The following ZNF280C variants were observed in gnomAD, a reference collection of about 807,000 sequenced individuals.
ZNF280C encodes the protein zinc finger protein 280C.
ZNF280C carries 14 observed loss-of-function variants against 53.6 expected under a neutral mutation model. That is an observed-to-expected ratio of 0.26 (90% CI 0.17 to 0.41). The LOEUF is 0.41. ZNF280C is among the 10% of genes least tolerant of loss of function. The probability of loss-of-function intolerance (pLI) is 1.00; values close to 1 mark genes in which losing one functional copy is unlikely to be tolerated. For synonymous variants in ZNF280C, 203 were observed against 181.1 expected, an observed-to-expected ratio of 1.12 and a Z score of -0.97; for missense variants, 416 against 547.1, an observed-to-expected ratio of 0.76 and a Z score of 2.39.
chrX:130,206,224 A>C (rs1272025003), intron 16 of ZNF280C, among the ~76,000 whole-genome samples: 3 of 111,379 alleles, frequency 2.7e-5, no homozygotes, highest in Non-Finnish European at 3.8e-5. Context: ...TAGAAAAGAA[A>C]TGTGAAGGTT....
At chrX:130,242,876 C>T (rs1217104653) in intron 5 of ZNF280C, among the ~76,000 whole-genome samples, 1 of 111,107 alleles carries the variant, frequency 9.0e-6, no homozygotes, top group East Asian at 2.8e-4. Flanking sequence ...CAGGGTTTCA[C>T]CATGTTGCTC....
In ZNF280C at chrX:130,248,575, G is replaced by A. The variant is rs899463543; in HGVS notation, c.32-1570C>T. 2.8e-4 allele frequency among the ~76,000 whole-genome samples: 31 copies of A among 111,527 alleles called. No homozygotes were observed. In the Admixed American group the frequency reaches 2.9e-3, roughly 11 times the overall value. On this transcript the variant is annotated intron_variant, in intron 2 of 18. Transcript: ENST00000370978. ...TCCATAGGAGACTGTAGCACTAGGGGAACTGTCAGACCTGAACTCTGCAGG... is the reference window on the plus strand; with the variant it reads ...TCCATAGGAGACTGTAGCACTAGGGAAACTGTCAGACCTGAACTCTGCAGG...
At chrX:130,250,987 C>T (rs2032501289) in intron 2 of ZNF280C, among the ~76,000 whole-genome samples, 1 of 109,798 alleles carries the variant, frequency 9.1e-6, no homozygotes, top group Non-Finnish European at 1.9e-5. Context: ...ATTCCAGCTA[C>T]TTGGGAGTCA....
chrX:130,221,202 TAGA>T (rs2032159723), intron 12 of ZNF280C, among the ~76,000 whole-genome samples: 1 of 111,896 alleles, frequency 8.9e-6, no homozygotes, highest in Non-Finnish European at 1.9e-5. Flanking sequence ...CAGACTATTT[TAGA>T]AGTGTGGTGT....
chrX:130,236,515 T>C lies in ZNF280C; in HGVS notation c.618A>G (p.Leu206=). The C allele has an allele frequency of 8.3e-7, 1 of 1,208,299 alleles. No individual in the cohort carries two copies. Among genetic ancestry groups the C allele is most frequent in the Non-Finnish European group, 1.1e-6 (1 of 893,650 alleles). The part of the protein sequence containing the change: ...PQINPSTSLP[L]IGSPPVTSSQ... ...AGGATGTCACTGGAGGAGAGCCAAT[T>C]AAAGGCAATGAAGTGGAGGGATTTA... The change falls in exon 7 of 19, where the codon TTA becomes TTG. Residue 206 remains leucine (L), a synonymous_variant. Transcript: ENST00000370978.
At position 130,221,719 on chromosome X, in the gene ZNF280C, C is replaced by G. The variant is rs188159926; in HGVS notation, c.1396-1239G>C. 3.6e-5 allele frequency among the ~76,000 whole-genome samples: 4 copies of G among 111,779 alleles called. No individual in the cohort carries two copies. The Admixed American group carries it at 3.8e-4, about 11-fold the overall frequency. ...AATTTATAATCTTTCAATTTCTCATCACCTCCAATCACTGCTACTATACTT... is the reference window on the plus strand; with the variant it reads ...AATTTATAATCTTTCAATTTCTCATGACCTCCAATCACTGCTACTATACTT... On this transcript the variant is annotated intron_variant, in intron 12 of 18. Transcript: ENST00000370978.
At chrX:130,225,665 TAAA>T (rs369564290) in intron 12 of ZNF280C, among the ~76,000 whole-genome samples, 6 of 83,797 alleles carry the variant, frequency 7.2e-5, no homozygotes, top group African/African-American at 8.4e-5. Context: ...CCTACCAGGA[TAAA>T]AAAAAAAAAA....
intron 2 of ZNF280C, among the ~76,000 whole-genome samples, chrX:130,253,169 C>T (rs1255989438): frequency 1.8e-5 from 2 of 111,803 alleles, no homozygotes; most frequent in Non-Finnish European, 3.8e-5. Context: ...TTCACAACAG[C>T]TACAAAAAGA....
chrX:130,236,059 T>C (rs1223085958), intron 8 of ZNF280C, among the ~76,000 whole-genome samples, 155 bp downstream of exon 8: 2 of 112,522 alleles, frequency 1.8e-5, no homozygotes, highest in African/African-American at 6.4e-5. Context: ...ATAATCATTG[T>C]GAATATCAAT....
intron 1 of ZNF280C, among the ~76,000 whole-genome samples, chrX:130,263,804 A>C (rs1160380370): frequency 9.1e-6 from 1 of 110,113 alleles, no homozygotes; most frequent in Non-Finnish European, 1.9e-5. Context: ...AGGCAGGTGC[A>C]TTGCAAAGTC....
At chrX:130,261,088 T>C (rs992098049) in intron 1 of ZNF280C, among the ~76,000 whole-genome samples, 4 of 112,346 alleles carry the variant, frequency 3.6e-5, no homozygotes, top group Admixed American at 1.9e-4. Context: ...CAATTCATTA[T>C]AAAGTAACTG....
At chrX:130,250,009 T>A (rs185931505) in intron 2 of ZNF280C, among the ~76,000 whole-genome samples, 8 of 111,669 alleles carry the variant, frequency 7.2e-5, no homozygotes, top group Non-Finnish European at 1.5e-4. Context: ...AATTTCAAAA[T>A]GCAATCATAA....
At chrX:130,265,789 T>G (rs184665895) in intron 1 of ZNF280C, among the ~76,000 whole-genome samples, 1 of 112,586 alleles carries the variant, frequency 8.9e-6, no homozygotes, top group East Asian at 2.8e-4. Context: ...GAAATATTCC[T>G]CAACAGTACT....
chrX:130,251,472 G>C (rs1176113542), intron 2 of ZNF280C, among the ~76,000 whole-genome samples: 3 of 110,704 alleles, frequency 2.7e-5, no homozygotes, highest in African/African-American at 9.9e-5. Flanking sequence ...CTGTGCAGTA[G>C]GTCTACAGAG....
intron 15 of ZNF280C, among the ~76,000 whole-genome samples, chrX:130,210,406 G>T (rs1050320169): frequency 2.7e-5 from 3 of 112,060 alleles, no homozygotes; most frequent in Middle Eastern, 9.2e-3. Flanking sequence ...AAGGATATTT[G>T]ATAATGTATT....
At chrX:130,249,104 C>G (rs958485918) in intron 2 of ZNF280C, among the ~76,000 whole-genome samples, 2 of 111,230 alleles carry the variant, frequency 1.8e-5, no homozygotes, top group Non-Finnish European at 3.8e-5. Flanking sequence ...CCCTCCCCCA[C>G]CCTGAGCGGC....
intron 8 of ZNF280C, among the ~76,000 whole-genome samples, chrX:130,231,887 C>T (rs773042403): frequency 1.2e-4 from 13 of 108,648 alleles, no homozygotes; most frequent in South Asian, 8.2e-4. Context: ...ATTAGCCGGG[C>T]GTGGTGGCAC....
intron 1 of ZNF280C, among the ~76,000 whole-genome samples, chrX:130,268,478 A>AGGCTGCCGC (rs1323202522): frequency 4.5e-5 from 5 of 112,057 alleles, no homozygotes; most frequent in Middle Eastern, 4.6e-3. Flanking sequence ...GGAGGTGAGA[A>AGGCTGCCGC]GGCTGCCGCA....
chrX:130,228,866 A>G, intron 10 of ZNF280C, 111 bp downstream of exon 10: 3 of 765,607 alleles, frequency 3.9e-6, no homozygotes, highest in Non-Finnish European at 5.5e-6. Context: ...TTTTGCCCTC[A>G]TATTACAAAG....
Sources: allele counts gnomAD v4.1 joint callset (sites outside exome capture counted in the v4.1 genomes callset), GRCh38; gene constraint gnomAD v4.1.1; transcripts MANE v1.5; gene names NCBI Gene and HGNC (gene_info 2026-07-23, HGNC 2026-07-21).